The following INPP4B variants were observed in gnomAD, a reference collection of about 807,000 sequenced individuals.
The protein encoded by INPP4B is inositol polyphosphate-4-phosphatase type II B.
Under a neutral mutation model 122.5 loss-of-function variants are expected in INPP4B, and 55 were observed. That is an observed-to-expected ratio of 0.45 (90% CI 0.36 to 0.56). The LOEUF is 0.56. Among genes scored for constraint, INPP4B ranks in the 20% least tolerant of loss-of-function variants. INPP4B has a pLI of 0.00. For synonymous variants in INPP4B, 403 were observed against 388.7 expected (o/e 1.04, Z -0.43); for missense variants, 1,000 against 1,097.7 (o/e 0.91, Z 1.26).
intron 1 of INPP4B, among the ~76,000 whole-genome samples, chr4:142,806,779 GA>G (rs1203682686): frequency 4.4e-4 from 29 of 65,242 alleles, no homozygotes; most frequent in African/African-American, 1.7e-3. Context: ...AAGAAAGAAA[GA>G]AAGAAGGAAA....
chr4:142,301,879 G>C (rs922358076), intron 9 of INPP4B, among the ~76,000 whole-genome samples: 2 of 152,086 alleles, frequency 1.3e-5, no homozygotes, highest in African/African-American at 4.8e-5. Context: ...ATCTGTGGTT[G>C]TTTAAATACT....
At chr4:142,219,982 T>C (rs1489526487) in intron 12 of INPP4B, among the ~76,000 whole-genome samples, 1 of 152,214 alleles carries the variant, frequency 6.6e-6, no homozygotes, top group Non-Finnish European at 1.5e-5. Context: ...TCGTACTAGG[T>C]ATATTTCAAA....
chr4:142,287,141 C>G (rs563618520), intron 9 of INPP4B: 1 of 152,320 alleles, frequency 6.6e-6, no homozygotes, highest in South Asian at 2.1e-4. Context: ...GCATCTTCAT[C>G]TTCCATTAGG....
chr4:142,123,525 T>C (rs987719610), intron 19 of INPP4B, 110 bp from the exon 20 acceptor site: 2 of 975,952 alleles, frequency 2.0e-6, no homozygotes, highest in African/African-American at 1.6e-5. Context: ...CAGGTATGTA[T>C]AACAAAACTA....
At chr4:142,136,680 T>C (rs1804475111) in intron 18 of INPP4B, among the ~76,000 whole-genome samples, 1 of 151,866 alleles carries the variant, frequency 6.6e-6, no homozygotes. Context: ...GGTAAAGAAA[T>C]GTAGGGCCTG....
At chr4:142,474,062 C>T (rs556261485) in intron 2 of INPP4B, among the ~76,000 whole-genome samples, 16 of 151,746 alleles carry the variant, frequency 1.1e-4, no homozygotes, top group African/African-American at 3.6e-4. Flanking sequence ...CCACCCTTAC[C>T]ACTAGTAGCC....
At chr4:142,593,211 T>C (rs17016476) in intron 2 of INPP4B, among the ~76,000 whole-genome samples, 2,144 of 152,094 alleles carry the variant, frequency 0.014, 41 homozygotes, top group African/African-American at 0.041. Flanking sequence ...GAGGCAGTAA[T>C]AGTGCATTAG....
At chr4:142,240,792 T>A (rs1372643157) in intron 11 of INPP4B, among the ~76,000 whole-genome samples, 1 of 152,160 alleles carries the variant, frequency 6.6e-6, no homozygotes, top group Admixed American at 6.6e-5. Flanking sequence ...AGTATTATTT[T>A]TTAAATAAAG....
At chr4:142,416,472 G>T (rs1805796219) in intron 5 of INPP4B, among the ~76,000 whole-genome samples, 2 of 152,026 alleles carry the variant, frequency 1.3e-5, no homozygotes, top group Non-Finnish European at 2.9e-5. Flanking sequence ...AATTATTTAA[G>T]TAATTTTTTT....
chr4:142,460,901 C>G (rs1443587199), intron 3 of INPP4B, among the ~76,000 whole-genome samples: 1 of 144,362 alleles, frequency 6.9e-6, no homozygotes, highest in Non-Finnish European at 1.6e-5. Flanking sequence ...ATCATTGGCC[C>G]AACATGGTAG....
intron 2 of INPP4B, among the ~76,000 whole-genome samples, chr4:142,705,458 AACACACACACACACACAC>A (rs56300337): frequency 1.4e-5 from 2 of 146,206 alleles, no homozygotes; most frequent in African/African-American, 5.1e-5. Flanking sequence ...TCCCACCCCA[AACACACACACACACACAC>A]ACACACACAC....
intron 2 of INPP4B, among the ~76,000 whole-genome samples, chr4:142,686,933 C>T (rs10519662): frequency 0.035 from 5,253 of 151,958 alleles, 308 homozygotes; most frequent in African/African-American, 0.12. Context: ...GAGAACAAGA[C>T]TTATGCTTAG....
chr4:142,444,472 A>C (rs1812476673), intron 3 of INPP4B, among the ~76,000 whole-genome samples: 1 of 152,146 alleles, frequency 6.6e-6, no homozygotes. Flanking sequence ...ATCTCACACC[A>C]GCTAGAATGT....
At chr4:142,112,472 G>C (rs1215585620) in intron 22 of INPP4B, 70 bp downstream of exon 22, 23 of 1,465,846 alleles carry the variant, frequency 1.6e-5, no homozygotes. Flanking sequence ...GCAGATACAT[G>C]GGACTTCTCA....
At chr4:142,636,046 G>A (rs1049881014) in intron 2 of INPP4B, among the ~76,000 whole-genome samples, 2 of 152,050 alleles carry the variant, frequency 1.3e-5, no homozygotes, top group African/African-American at 4.8e-5. Context: ...CATCATGGGG[G>A]CAGTTTCCCC....
intron 2 of INPP4B, among the ~76,000 whole-genome samples, chr4:142,472,791 A>C (rs1819113126): frequency 6.6e-6 from 1 of 152,218 alleles, no homozygotes; most frequent in South Asian, 2.1e-4. Context: ...CATCAGAAGA[A>C]TACAAACTTG....
chr4:142,550,511 T>C (rs907018573), intron 2 of INPP4B, among the ~76,000 whole-genome samples: 8 of 151,808 alleles, frequency 5.3e-5, no homozygotes, highest in Non-Finnish European at 1.2e-4. Flanking sequence ...AGGGAACTTA[T>C]CCAGAATAGA....
intron 2 of INPP4B, among the ~76,000 whole-genome samples, chr4:142,608,135 G>A (rs1741675742): frequency 6.6e-6 from 1 of 152,094 alleles, no homozygotes; most frequent in Non-Finnish European, 1.5e-5. Context: ...AGGGCCTATT[G>A]TCTTCTAATT....
At chr4:142,101,623 C>A (rs1238379159) in intron 23 of INPP4B, among the ~76,000 whole-genome samples, 6 of 152,080 alleles carry the variant, frequency 3.9e-5, no homozygotes, top group Non-Finnish European at 8.8e-5. Flanking sequence ...AAGAAGTCTG[C>A]CAAAACCTAG....
Sources: gnomAD v4.1 joint callset for allele counts (sites outside exome capture counted in the v4.1 genomes callset) on GRCh38, gnomAD v4.1.1 for gene constraint, MANE v1.5 for transcripts, NCBI Gene and HGNC (gene_info 2026-07-23, HGNC 2026-07-21) for gene names.